Variants in ATP8A2 observed in about 807,000 individuals in gnomAD.
The protein encoded by ATP8A2 is ATPase phospholipid transporting 8A2, also known as phospholipid-transporting ATPase IB.
A neutral mutation model predicts 165.6 loss-of-function variants in ATP8A2; 100 were observed. That is an observed-to-expected ratio of 0.60 (90% CI 0.51 to 0.71). The LOEUF is 0.71. Among genes scored for constraint, ATP8A2 ranks in the 30% least tolerant of loss-of-function variants. The pLI, the probability that ATP8A2 is intolerant of heterozygous loss-of-function variation, is 0.00. For missense variants in ATP8A2, 1,227 were observed against 1,479.5 expected (o/e 0.83, Z 2.80); for synonymous variants, 543 against 548.8 (o/e 0.99, Z 0.15).
At chr13:25,839,503 C>A in intron 29 of ATP8A2, 43 bp from the exon 30 acceptor site, 1 of 1,429,616 alleles carries the variant, frequency 7.0e-7, no homozygotes, top group Non-Finnish European at 9.9e-7. Flanking sequence ...AGAGGTCAAG[C>A]GTTTTGGGCA....
chr13:25,774,812 A>T (rs758463115), intron 26 of ATP8A2, 37 bp from the exon 27 acceptor site: 26 of 1,217,784 alleles, frequency 2.1e-5, no homozygotes, highest in Middle Eastern at 1.9e-4. Flanking sequence ...TTCCTCAATG[A>T]TGGGCTCTTC....
intron 33 of ATP8A2, among the ~76,000 whole-genome samples, chr13:25,878,728 A>T (rs1006183415): frequency 6.6e-6 from 1 of 152,022 alleles, no homozygotes; most frequent in South Asian, 2.1e-4. Flanking sequence ...CTGTGGTTCA[A>T]ACGCCTCTGA....
At chr13:25,758,632 G>A (rs1297395618) in intron 25 of ATP8A2, among the ~76,000 whole-genome samples, 3 of 152,270 alleles carry the variant, frequency 2.0e-5, no homozygotes, top group East Asian at 3.9e-4. Flanking sequence ...AGGCCCCCAT[G>A]TACCTATATT....
chr13:25,389,305 C>T, intron 1 of ATP8A2, among the ~76,000 whole-genome samples: 1 of 152,020 alleles, frequency 6.6e-6, no homozygotes, highest in East Asian at 1.9e-4. Context: ...TCATATTTTC[C>T]CCCCTAAAAT....
At chr13:25,862,279 G>A (rs775158850) in intron 32 of ATP8A2, 22 bp from the exon 33 acceptor site, 1 of 1,592,312 alleles carries the variant, frequency 6.3e-7, no homozygotes, top group Admixed American at 1.7e-5. Context: ...AAGCCTGTCT[G>A]AGTGTCTATT....
At chr13:25,499,543 C>T (rs374591251) in intron 2 of ATP8A2, among the ~76,000 whole-genome samples, 1 of 152,186 alleles carries the variant, frequency 6.6e-6, no homozygotes. Flanking sequence ...AGTTGGTGCT[C>T]ATCTAGCAGA....
chr13:25,800,704 A>G (rs754154690), intron 27 of ATP8A2, among the ~76,000 whole-genome samples: 3 of 152,166 alleles, frequency 2.0e-5, no homozygotes, highest in Non-Finnish European at 2.9e-5. Flanking sequence ...GATCGCCGTC[A>G]TGCTGAGTGT....
intron 24 of ATP8A2, among the ~76,000 whole-genome samples, chr13:25,635,671 G>A (rs1260081290): frequency 1.3e-5 from 2 of 152,216 alleles, no homozygotes; most frequent in Non-Finnish European, 2.9e-5. Flanking sequence ...CCTGGCTGAG[G>A]TCAGGCATAG....
rs534323571 is a variant in ATP8A2 at position 25,655,897 on chromosome 13, T to C, written c.2212-43276T>C. On this transcript the variant is annotated intron_variant, in intron 24 of 36. Coordinates refer to ENST00000381655, the MANE Select transcript of ATP8A2 (RefSeq NM_016529.6). ...TTCGTGTGCAAATGGGCAGAATGAA[T>C]TGGAGTTCAGGTCACTTTGCCAACT... 8.3e-4 allele frequency among the ~76,000 whole-genome samples: 127 copies of C among 152,192 alleles called. 1 individual carries two copies. Among genetic ancestry groups the C allele is most frequent in the Non-Finnish European group, 1.6e-3 (108 of 68,040 alleles).
chr13:25,735,788 A>G (rs4770871), intron 25 of ATP8A2, among the ~76,000 whole-genome samples: 92,487 of 151,942 alleles, frequency 0.61, 28,456 homozygotes, highest in East Asian at 0.74. Flanking sequence ...TTGTAATGTC[A>G]TAGTGCAAAT....
At chr13:25,540,479 C>T in intron 8 of ATP8A2, 91 bp downstream of exon 8, 2 of 957,430 alleles carry the variant, frequency 2.1e-6, no homozygotes, top group East Asian at 2.5e-5. Context: ...ATAAAATATT[C>T]AGCCACAAAG....
At chr13:25,992,117 C>A (rs1424323603) in intron 35 of ATP8A2, among the ~76,000 whole-genome samples, 1 of 151,528 alleles carries the variant, frequency 6.6e-6, no homozygotes, top group Non-Finnish European at 1.5e-5. Context: ...TTTAAACAAA[C>A]TGCCAAGCTG....
At chr13:25,757,111 A>G (rs1056464342) in intron 25 of ATP8A2, among the ~76,000 whole-genome samples, 1 of 152,184 alleles carries the variant, frequency 6.6e-6, no homozygotes, top group African/African-American at 2.4e-5. Flanking sequence ...CCTACTCTCC[A>G]GGAGATGGAG....
intron 2 of ATP8A2, among the ~76,000 whole-genome samples, chr13:25,513,355 C>T (rs566909078): frequency 1.7e-4 from 25 of 150,228 alleles, no homozygotes; most frequent in Middle Eastern, 7.2e-3. Flanking sequence ...ACATCTCAGA[C>T]GATGGGCGGC....
intron 4 of ATP8A2, among the ~76,000 whole-genome samples, chr13:25,531,263 A>ATATATATGTTATATATATGT (rs1555291099): frequency 1.2e-5 from 1 of 85,512 alleles, no homozygotes; most frequent in Non-Finnish European, 2.4e-5. Flanking sequence ...GATATATATG[A>ATATATATGTTATATATATGT]TATATATGAT....
At chr13:25,976,705 C>G (rs34131943) in intron 35 of ATP8A2, among the ~76,000 whole-genome samples, 33,522 of 151,978 alleles carry the variant, frequency 0.22, 4,517 homozygotes, top group East Asian at 0.55. Context: ...TACCCTCCCC[C>G]CAAGAAATGC....
At chr13:25,531,421 ATATATATATGAT>A (rs1298618013) in intron 4 of ATP8A2, among the ~76,000 whole-genome samples, 73 of 30,182 alleles carry the variant, frequency 2.4e-3, no homozygotes, top group Non-Finnish European at 3.8e-3. Flanking sequence ...TATATATATG[ATATATATATGAT>A]TATATATATG....
chr13:25,675,747 T>C (rs568841584), intron 24 of ATP8A2, among the ~76,000 whole-genome samples: 116 of 152,270 alleles, frequency 7.6e-4, no homozygotes, highest in Non-Finnish European at 1.6e-4. Flanking sequence ...TCCTGGGTTG[T>C]GCCGGTGTTC....
chr13:25,915,497 G>T (rs998640208), intron 33 of ATP8A2, among the ~76,000 whole-genome samples: 4 of 152,210 alleles, frequency 2.6e-5, no homozygotes, highest in African/African-American at 4.8e-5. Context: ...TCAGGAGCTG[G>T]AGCCCTAGTG....
Sources: gnomAD v4.1 joint callset for allele counts (sites outside exome capture counted in the v4.1 genomes callset) on GRCh38, gnomAD v4.1.1 for gene constraint, MANE v1.5 for transcripts, NCBI Gene and HGNC (gene_info 2026-07-23, HGNC 2026-07-21) for gene names.